Variants in PATL2 observed in about 807,000 individuals in gnomAD.
The protein encoded by PATL2 is PAT1 homolog 2.
PATL2 carries 73 observed loss-of-function variants against 77.0 expected under a neutral mutation model. The ratio of observed to expected loss-of-function variants is 0.95; its 90% CI spans 0.78 to 1.15. The LOEUF is 1.15. PATL2 is among the 50% of genes most tolerant of loss of function. The pLI is 0.00. For missense variants in PATL2, 618 were observed against 655.4 expected, an observed-to-expected ratio of 0.94 and a Z score of 0.62; for synonymous variants, 265 against 257.1, an observed-to-expected ratio of 1.03 and a Z score of -0.29.
chr15:44,672,503 T>C, intron 7 of PATL2, 47 bp from the exon 8 acceptor site: 2 of 1,503,012 alleles, frequency 1.3e-6, no homozygotes, highest in Non-Finnish European at 1.8e-6. Flanking sequence ...AGCTCTCAGT[T>C]CTCTGCCCCC....
intron 3 of PATL2, among the ~76,000 whole-genome samples, chr15:44,683,401 G>C (rs914400414): frequency 2.0e-5 from 3 of 152,166 alleles, no homozygotes; most frequent in Non-Finnish European, 4.4e-5. Flanking sequence ...GAGCTTGGTG[G>C]GGGGAGGGGC....
rs1186020866 is a variant in PATL2 at position 44,670,060 on chromosome 15, GCTT to G, written c.682_684del (p.Lys228del). 3 of 1,551,572 alleles carry G rather than the reference GCTT, an allele frequency of 1.9e-6. No homozygotes were observed. The highest frequency in any genetic ancestry group is 1.2e-5 in the South Asian group (1 of 84,030). ...CGTCCAAGTAGCTCTTCGTCTGCCTGCTTCTTCTCTAGCTTCTGGTAATATTCC... is the reference window on the plus strand; with the variant it reads ...CGTCCAAGTAGCTCTTCGTCTGCCTGCTTCTCTAGCTTCTGGTAATATTCC... On this transcript the variant is annotated inframe_deletion, in exon 10 of 18. Coordinates refer to ENST00000682850, the MANE Select transcript of PATL2 (RefSeq NM_001387263.1).
chr15:44,668,617 C>T (rs1187274027), intron 14 of PATL2, 135 bp from the exon 15 acceptor site: 3 of 1,115,514 alleles, frequency 2.7e-6, no homozygotes, highest in Admixed American at 5.7e-5. Context: ...CTTATCACCA[C>T]TATGACTCTC....
At chr15:44,674,411 C>G in intron 5 of PATL2, 181 bp from the exon 6 acceptor site, 1 of 592,870 alleles carries the variant, frequency 1.7e-6, no homozygotes, top group South Asian at 2.1e-5. Context: ...CTCTCCCTCT[C>G]CTGGGAGGAA....
intron 15 of PATL2, 111 bp from the exon 16 acceptor site, chr15:44,667,314 A>G: frequency 1.3e-6 from 1 of 771,712 alleles, no homozygotes; most frequent in Non-Finnish European, 2.1e-6. Flanking sequence ...TTAGAGATAG[A>G]GCTCAAAATA....
chr15:44,698,265 A>G (rs1217058176), intron 3 of PATL2, among the ~76,000 whole-genome samples: 3 of 151,920 alleles, frequency 2.0e-5, no homozygotes, highest in Non-Finnish European at 4.4e-5. Context: ...CAATTATACT[A>G]TTTTAGTTAT....
At position 44,686,024 on chromosome 15, in the gene PATL2, T is replaced by C. The variant is rs528394344; in HGVS notation, c.-75-9459A>G. 1.0e-3 allele frequency among the ~76,000 whole-genome samples: 156 copies of C among 152,210 alleles called. 1 individual carries two copies. The highest frequency in any genetic ancestry group is 3.6e-3 in the African/African-American group (149 of 41,550). ...CGAGACAGAAAATTAACAAGGATAT[T>C]CAGGACTTGAACTCAGCTCTGGACC... is the stretch of plus-strand genomic sequence containing the variant. On this transcript the variant is annotated intron_variant, in intron 3 of 17. Transcript: ENST00000682850.
chr15:44,696,880 CT>C (rs2086514975), intron 3 of PATL2, among the ~76,000 whole-genome samples: 1 of 152,156 alleles, frequency 6.6e-6, no homozygotes, highest in African/African-American at 2.4e-5. Flanking sequence ...TTGGAATCTC[CT>C]GGTGGGCAGG....
At position 44,668,425 on chromosome 15, in the gene PATL2, C is replaced by T. The variant is rs760151963; in HGVS notation, c.1282G>A (p.Glu428Lys). 4.3e-5 allele frequency: 67 copies of T among 1,551,240 alleles called. No individual in the cohort carries two copies. Among genetic ancestry groups the T allele is most frequent in the Non-Finnish European group, 4.7e-5 (54 of 1,146,968 alleles). ...GKCISHLTLH[E>K]LLQGLQGLTL... The stretch of plus-strand genomic sequence containing the variant: ...AATCCCTGAAGTCCTTGGAGGAGTT[C>T]GTGGAGGGTCAAGTGACTAATACAT... The change falls in exon 15 of 18, where the codon GAA becomes AAA. Residue 428 changes from glutamate to lysine, a missense_variant. Coordinates refer to ENST00000682850, the MANE Select transcript of PATL2 (RefSeq NM_001387263.1).
At chr15:44,703,424 C>A (rs891785305) in intron 3 of PATL2, among the ~76,000 whole-genome samples, 2 of 152,092 alleles carry the variant, frequency 1.3e-5, no homozygotes, top group African/African-American at 4.8e-5. Context: ...GTCTATCTCT[C>A]TCTTTAGCTC....
intron 3 of PATL2, among the ~76,000 whole-genome samples, chr15:44,689,987 C>A (rs983734047): frequency 6.6e-6 from 1 of 152,098 alleles, no homozygotes; most frequent in Non-Finnish European, 1.5e-5. Flanking sequence ...GTCAGGAGTT[C>A]GAGACTAGCC....
At position 44,704,550 on chromosome 15, in the gene PATL2, T is replaced by C. The variant is rs573449564; in HGVS notation, c.-76+5546A>G. On this transcript the variant is annotated intron_variant, in intron 3 of 17. Transcript: ENST00000682850. ...CTTTGTTGTTTGTGTTTGTGTCATA[T>C]TGTACTGTCTATGTCTTGAAAAGTT... 7.3e-4 allele frequency among the ~76,000 whole-genome samples: 111 copies of C among 152,334 alleles called. 1 individual carries two copies. The highest frequency in any genetic ancestry group is 3.4e-3 in the Middle Eastern group (1 of 294).
intron 3 of PATL2, among the ~76,000 whole-genome samples, chr15:44,679,870 G>A (rs1423689066): frequency 6.6e-6 from 1 of 152,226 alleles, no homozygotes; most frequent in Non-Finnish European, 1.5e-5. Flanking sequence ...TATAGAAAGA[G>A]TATAGTGAAA....
chr15:44,707,174 C>A (rs533804761), intron 3 of PATL2, among the ~76,000 whole-genome samples: 1 of 152,126 alleles, frequency 6.6e-6, no homozygotes, highest in Admixed American at 6.5e-5. Flanking sequence ...TGGCCCAGAG[C>A]AGGTCCAGGA....
chr15:44,669,939 C>T, intron 10 of PATL2, 28 bp downstream of exon 10: 1 of 1,549,686 alleles, frequency 6.5e-7, no homozygotes, highest in South Asian at 1.2e-5. Context: ...ATGCCCAGCC[C>T]AAGTCAGCAG....
intron 3 of PATL2, among the ~76,000 whole-genome samples, chr15:44,679,552 C>CTTTT (rs545161525): frequency 1.6e-4 from 18 of 114,314 alleles, no homozygotes; most frequent in South Asian, 2.9e-4. Flanking sequence ...TTTTCTTTTT[C>CTTTT]TTTTTTTTTT....
At chr15:44,680,970 G>A (rs907831523) in intron 3 of PATL2, among the ~76,000 whole-genome samples, 1 of 152,114 alleles carries the variant, frequency 6.6e-6, no homozygotes, top group African/African-American at 2.4e-5. Context: ...TATATCTGGA[G>A]CTAACATTAC....
chr15:44,694,932 C>T (rs2086470925), intron 3 of PATL2, among the ~76,000 whole-genome samples: 1 of 152,142 alleles, frequency 6.6e-6, no homozygotes, highest in South Asian at 2.1e-4. Flanking sequence ...CCCTTTTCAG[C>T]ATGAAGTAGC....
At chr15:44,667,374 C>A (rs917525716) in intron 15 of PATL2, 171 bp from the exon 16 acceptor site, 2 of 587,910 alleles carry the variant, frequency 3.4e-6, no homozygotes, top group South Asian at 2.0e-5. Context: ...AACTCTCTAA[C>A]CCTTTCCATA....
Sources: allele counts gnomAD v4.1 joint callset (sites outside exome capture counted in the v4.1 genomes callset), GRCh38; gene constraint gnomAD v4.1.1; transcripts MANE v1.5; gene names NCBI Gene and HGNC (gene_info 2026-07-23, HGNC 2026-07-21).